RAPGEF5: variants seen among roughly 807,000 people sequenced by gnomAD.
RAPGEF5 encodes the protein Rap guanine nucleotide exchange factor 5.
A neutral mutation model predicts 125.2 loss-of-function variants in RAPGEF5; 65 were observed. That is an observed-to-expected ratio of 0.52 (90% CI 0.43 to 0.64). The LOEUF is 0.64. RAPGEF5 is among the 30% of genes least tolerant of loss of function. RAPGEF5 has a pLI of 0.00. For synonymous variants in RAPGEF5, 391 were observed against 385.9 expected (o/e 1.01, Z -0.16); for missense variants, 958 against 1,048.1 (o/e 0.91, Z 1.19).
intron 7 of RAPGEF5, among the ~76,000 whole-genome samples, chr7:22,246,851 G>A (rs1786490024): frequency 1.3e-5 from 2 of 152,074 alleles, no homozygotes; most frequent in South Asian, 4.1e-4. Flanking sequence ...CTAATATCCA[G>A]AATCTATAAG....
intron 11 of RAPGEF5, among the ~76,000 whole-genome samples, chr7:22,176,333 T>C (rs1487645893): frequency 1.3e-5 from 2 of 152,166 alleles, no homozygotes; most frequent in Non-Finnish European, 1.5e-5. Flanking sequence ...AGCCAAACCA[T>C]ATCAGTTGGT....
At chr7:22,191,069 T>C (rs1784980420) in intron 11 of RAPGEF5, among the ~76,000 whole-genome samples, 1 of 152,178 alleles carries the variant, frequency 6.6e-6, no homozygotes, top group East Asian at 1.9e-4. Context: ...ACCCGGGCCT[T>C]TGATAATGAG....
At chr7:22,234,680 T>A (rs1034304067) in intron 7 of RAPGEF5, among the ~76,000 whole-genome samples, 4 of 152,132 alleles carry the variant, frequency 2.6e-5, no homozygotes, top group African/African-American at 9.7e-5. Context: ...TATTTGTAAA[T>A]TAGCCAAGAG....
chr7:22,167,270 A>G, intron 11 of RAPGEF5, 122 bp from the exon 12 acceptor site: 2 of 660,248 alleles, frequency 3.0e-6, no homozygotes, highest in Non-Finnish European at 2.6e-6. Flanking sequence ...TAGCTGTGGG[A>G]GGGATTAGGA....
At chr7:22,261,019 G>C (rs538742838) in intron 7 of RAPGEF5, among the ~76,000 whole-genome samples, 1 of 152,190 alleles carries the variant, frequency 6.6e-6, no homozygotes, top group African/African-American at 2.4e-5. Flanking sequence ...TAGGGTAACT[G>C]GCTTAACATA....
chr7:22,250,483 A>G (rs1786591414), intron 7 of RAPGEF5, among the ~76,000 whole-genome samples: 1 of 152,238 alleles, frequency 6.6e-6, no homozygotes, highest in South Asian at 2.1e-4. Context: ...TTTTCTTCAC[A>G]TACCATGTTC....
At chr7:22,350,379 G>T (rs1054509139) in intron 1 of RAPGEF5, among the ~76,000 whole-genome samples, 3 of 152,188 alleles carry the variant, frequency 2.0e-5, no homozygotes, top group Admixed American at 1.3e-4. Flanking sequence ...ATCCAACATT[G>T]CATATGAAAG....
At chr7:22,315,919 T>C (rs1422599160) in intron 2 of RAPGEF5, among the ~76,000 whole-genome samples, 1 of 152,192 alleles carries the variant, frequency 6.6e-6, no homozygotes, top group Non-Finnish European at 1.5e-5. Context: ...TTTTCTTCCC[T>C]ATCTAGTGAA....
At chr7:22,123,230 G>A (rs1438575837) in intron 25 of RAPGEF5, among the ~76,000 whole-genome samples, 1 of 152,146 alleles carries the variant, frequency 6.6e-6, no homozygotes, top group East Asian at 1.9e-4. Flanking sequence ...GGCCAAAGGA[G>A]GCTTTAGTGC....
chr7:22,341,244 TC>T (rs1370902989), intron 1 of RAPGEF5, among the ~76,000 whole-genome samples: 1 of 151,992 alleles, frequency 6.6e-6, no homozygotes, highest in Non-Finnish European at 1.5e-5. Flanking sequence ...GCAGGGAAAC[TC>T]CCCTTTTTAA....
At chr7:22,153,168 T>C (rs977180677) in intron 17 of RAPGEF5, among the ~76,000 whole-genome samples, 1 of 152,204 alleles carries the variant, frequency 6.6e-6, no homozygotes, top group Admixed American at 6.5e-5. Flanking sequence ...TGGCACCTTC[T>C]GTCTGAATGG....
chr7:22,289,775 G>A (rs1782887695), intron 6 of RAPGEF5, among the ~76,000 whole-genome samples: 1 of 152,134 alleles, frequency 6.6e-6, no homozygotes, highest in Non-Finnish European at 1.5e-5. Flanking sequence ...GAGATCTGGG[G>A]GGAAGTGATT....
intron 20 of RAPGEF5, among the ~76,000 whole-genome samples, chr7:22,140,419 T>C (rs1783219463): frequency 1.3e-5 from 2 of 152,206 alleles, no homozygotes; most frequent in South Asian, 2.1e-4. Context: ...CTCTTTTAAA[T>C]TCATGTTTCT....
chr7:22,218,957 C>G (rs1462235080), intron 9 of RAPGEF5, among the ~76,000 whole-genome samples: 1 of 152,184 alleles, frequency 6.6e-6, no homozygotes, highest in African/African-American at 2.4e-5. Context: ...CTTACCTCCT[C>G]TCCTTCTCAG....
chr7:22,258,644 A>G (rs1164676244), intron 7 of RAPGEF5, among the ~76,000 whole-genome samples: 1 of 150,802 alleles, frequency 6.6e-6, no homozygotes, highest in Non-Finnish European at 1.5e-5. Context: ...AAAAAAAAAA[A>G]AAAAAGAATA....
rs150059798 is a variant in RAPGEF5 at position 22,168,444 on chromosome 7, G to T, written c.1205-1296C>A. Among the ~76,000 whole-genome samples, 439 of 152,226 alleles carry T rather than the reference G, an allele frequency of 2.9e-3. 1 individual carries two copies. The highest frequency in any genetic ancestry group is 9.1e-3 in the African/African-American group (380 of 41,546). The stretch of plus-strand genomic sequence containing the variant: ...AAATGTCTGTTGTTTAAGCTTCCCA[G>T]GCTATGGTATTTTGTTATAGCAGCT... On this transcript the variant is annotated intron_variant, in intron 11 of 25. Coordinates refer to ENST00000665637, the MANE Select transcript of RAPGEF5 (RefSeq NM_012294.5).
At chr7:22,200,202 G>GA (rs996503811) in intron 9 of RAPGEF5, among the ~76,000 whole-genome samples, 147 of 148,008 alleles carry the variant, frequency 9.9e-4, no homozygotes, top group Non-Finnish European at 1.7e-3. Flanking sequence ...AGACTTATCT[G>GA]AAAAAAAAAA....
At chr7:22,194,890 A>C (rs1294407259) in intron 9 of RAPGEF5, 1 of 340,006 alleles carries the variant, frequency 2.9e-6, no homozygotes, top group African/African-American at 2.2e-5. Flanking sequence ...AGCCATGAAC[A>C]CTTCCAGAGT....
At chr7:22,205,697 G>A (rs2128129306) in intron 9 of RAPGEF5, among the ~76,000 whole-genome samples, 1 of 152,320 alleles carries the variant, frequency 6.6e-6, no homozygotes, top group South Asian at 2.1e-4. Flanking sequence ...AAGAGTTCAA[G>A]GCAGTAAGAG....
Sources: gnomAD v4.1 joint callset for allele counts (sites outside exome capture counted in the v4.1 genomes callset) on GRCh38, gnomAD v4.1.1 for gene constraint, MANE v1.5 for transcripts, NCBI Gene and HGNC (gene_info 2026-07-23, HGNC 2026-07-21) for gene names.